Variants in CLCN7 observed in about 807,000 individuals in gnomAD.
The protein encoded by CLCN7 is Cl-/H+ antiporter 7.
In CLCN7, 60 loss-of-function variants were observed where a neutral mutation model predicts 102.1. The observed-to-expected ratio is 0.59, with a 90% CI of 0.48 to 0.73. The LOEUF is 0.73. Among genes scored for constraint, CLCN7 ranks in the 30% least tolerant of loss-of-function variants. The pLI is 0.00. For synonymous variants in CLCN7, 560 were observed against 490.5 expected (o/e 1.14, Z -1.87); for missense variants, 962 against 1,125.7 (o/e 0.85, Z 2.08).
rs775400716 is a variant in CLCN7 at position 1,457,332 on chromosome 16, C to T, written c.744G>A (p.Gly248=). The T allele has an allele frequency of 2.0e-5, 33 of 1,613,402 alleles. No homozygotes were observed. Among genetic ancestry groups the T allele is most frequent in the Non-Finnish European group, 2.8e-5 (33 of 1,179,794 alleles). ...TCACTGAACCTGAGTGGATCATCGG[C>T]CCTTCCTGGAGACCAGAAGGACCGG... ...VVGGLAVGKE[G]PMIHSGSVIA... Residue 248 remains glycine (G), a synonymous_variant, in exon 9 of 25, where the codon GGG becomes GGA. Transcript: ENST00000382745. This position sits in a 1 kb window ranked among gnomAD's most constrained non-coding sequence, Gnocchi z 5.4.
At position 1,446,618 on chromosome 16, in the gene CLCN7, G is replaced by GCAGGGCTGGGCCT; in HGVS notation, c.2418_*12dup. On this transcript the variant is annotated 3_prime_UTR_variant, in exon 25 of 25. Coordinates refer to ENST00000382745, the MANE Select transcript of CLCN7 (RefSeq NM_001287.6). ...GTGCCAGCGCCAGTGCCCATTATGG[G>GCAGGGCTGGGCCT]CAGGGCTGGGCCTCACGTCTGGGCC... The GCAGGGCTGGGCCT allele has an allele frequency of 6.4e-7, 1 of 1,555,982 alleles. No individual in the cohort carries two copies. The highest frequency in any genetic ancestry group is 1.7e-4 in the Middle Eastern group (1 of 5,994).
Position 1,465,304 on chromosome 16 carries a change from A to G in CLCN7, c.176T>C (p.Met59Thr), listed in dbSNP as rs1020575479. 6.8e-6 allele frequency: 11 copies of G among 1,613,830 alleles called. No individual in the cohort carries two copies. The Admixed American group carries it at 1.5e-4, about 22-fold the overall frequency. Residue 59 changes from methionine (M) to threonine (T), a missense_variant, in exon 2 of 25, where the codon ATG (methionine) becomes ACG (threonine). Met to Thr is a moderately conservative substitution (Grantham distance 81). Coordinates refer to ENST00000382745, the MANE Select transcript of CLCN7 (RefSeq NM_001287.6). ...PRSALFRVGH[M>T]SSVELDDELL... is the part of the protein sequence containing the mutation. ...TTCATCATCCAGCTCCACGCTGCTCATATGTCCGACTCGGAAAAGCGCAGA... is the reference window on the plus strand; with the variant it reads ...TTCATCATCCAGCTCCACGCTGCTCGTATGTCCGACTCGGAAAAGCGCAGA...
chr16:1,458,284 G>T (rs1047000491), intron 7 of CLCN7, among the ~76,000 whole-genome samples: 1 of 152,246 alleles, frequency 6.6e-6, no homozygotes, highest in African/African-American at 2.4e-5. Context: ...GAACCCACAA[G>T]GGCGCAGACC....
chr16:1,459,155 G>A lies in CLCN7; in HGVS notation c.627C>T (p.Ile209=), dbSNP rs767238945. 1 of 1,613,332 alleles carries A rather than the reference G, an allele frequency of 6.2e-7. No individual in the cohort carries two copies. Among genetic ancestry groups the A allele is most frequent in the South Asian group, 1.1e-5 (1 of 91,048 alleles). ...TCTTCACCCCGTTGAGGAAGCACTTGATCTGGGGGATTCCGCTGCCAGCAG... is the reference window on the plus strand; with the variant it reads ...TCTTCACCCCGTTGAGGAAGCACTTAATCTGGGGGATTCCGCTGCCAGCAG... The part of the protein sequence containing the change: ...PVAAGSGIPQ[I]KCFLNGVKIP... Residue 209 remains isoleucine, a synonymous_variant, in exon 7 of 25, where the codon ATC becomes ATT. Coordinates refer to ENST00000382745, the MANE Select transcript of CLCN7 (RefSeq NM_001287.6).
intron 15 of CLCN7, 24 bp downstream of exon 15, chr16:1,452,731 C>A: frequency 3.2e-6 from 5 of 1,571,100 alleles, no homozygotes; most frequent in South Asian, 1.2e-5. Context: ...GCCTGCTGGA[C>A]CCCGCCCGGG....
Position 1,446,291 on chromosome 16 carries a change from C to G in CLCN7, c.*340G>C. On this transcript the variant is annotated 3_prime_UTR_variant, in exon 25 of 25. Coordinates refer to ENST00000382745, the MANE Select transcript of CLCN7 (RefSeq NM_001287.6). ...TCTGTCTCACGCACACGGGCACAGGCACGCAGGTGCCGGCCCTGCCGCTGG... is the reference window on the plus strand; with the variant it reads ...TCTGTCTCACGCACACGGGCACAGGGACGCAGGTGCCGGCCCTGCCGCTGG... The G allele has an allele frequency of 1.4e-6, 1 of 698,242 alleles. No individual in the cohort carries two copies. The highest frequency in any genetic ancestry group is 2.6e-6 in the Non-Finnish European group (1 of 383,196). The allele number at this position is 698,242 out of a possible 1,614,324, so 43.3% of individuals were successfully genotyped here.
At chr16:1,454,355 G>C in intron 13 of CLCN7, 56 bp downstream of exon 13, 1 of 1,569,256 alleles carries the variant, frequency 6.4e-7, no homozygotes, top group Non-Finnish European at 8.8e-7. Context: ...CTATGGCCAC[G>C]TCACAGCTGA....
intron 14 of CLCN7, 43 bp from the exon 15 acceptor site, chr16:1,452,936 G>A (rs1331040177): frequency 1.4e-5 from 22 of 1,553,042 alleles, no homozygotes; most frequent in African/African-American, 2.7e-5. Flanking sequence ...GGACGGCAGC[G>A]CGGCCCCTCC....
intron 1 of CLCN7, among the ~76,000 whole-genome samples, chr16:1,469,039 G>T (rs1353304995): frequency 8.4e-6 from 1 of 118,624 alleles, no homozygotes; most frequent in Admixed American, 8.8e-5. Context: ...TAAAAAAAAC[G>T]AAAAAAAAAA....
chr16:1,457,840 CCG>C lies in CLCN7; in HGVS notation c.676-86_676-85del. ...GAGCCGTAAAACAGCACACACAGCCCCGATCAGGCAGAGTGGCTGGGACACGG... is the reference window on the plus strand; with the variant it reads ...GAGCCGTAAAACAGCACACACAGCCCATCAGGCAGAGTGGCTGGGACACGG... On this transcript the variant is annotated intron_variant, in intron 7 of 24. Transcript: ENST00000382745. This position sits in a 1 kb window ranked among gnomAD's most constrained non-coding sequence, Gnocchi z 5.4. The C allele has an allele frequency of 3.6e-6, 5 of 1,381,990 alleles. No homozygotes were observed. The South Asian group carries it at 4.6e-5, about 13-fold the overall frequency. 85.6% of individuals were successfully genotyped at this position (1,381,990 alleles called of 1,614,324 possible).
Position 1,448,340 on chromosome 16 carries a change from T to C in CLCN7, c.2013+15A>G, listed in dbSNP as rs752884752. ...GGTCACATAGGCAGGACCCTGTCTA[T>C]GGGGTGCCCGGTACCTGGGTGTCAT... is the stretch of plus-strand genomic sequence containing the variant. On this transcript the variant is annotated intron_variant, in intron 21 of 24. Transcript: ENST00000382745. 5 of 1,612,650 alleles carry C rather than the reference T, an allele frequency of 3.1e-6. No individual in the cohort carries two copies. The highest frequency in any genetic ancestry group is 2.2e-5 in the South Asian group (2 of 91,070).
chr16:1,455,391 C>A, intron 11 of CLCN7, 141 bp from the exon 12 acceptor site: 1 of 755,304 alleles, frequency 1.3e-6, no homozygotes. Flanking sequence ...AGGGAAGGGG[C>A]TGGAGCCAGG....
chr16:1,453,132 C>T (rs929827974), intron 14 of CLCN7, among the ~76,000 whole-genome samples: 4 of 152,144 alleles, frequency 2.6e-5, no homozygotes, highest in South Asian at 2.1e-4. Context: ...CTCAGCCTCC[C>T]GAGTAGCTGG....
chr16:1,457,597 A>G lies in CLCN7; in HGVS notation c.738+97T>C, dbSNP rs976606568. On this transcript the variant is annotated intron_variant, in intron 8 of 24. Coordinates refer to ENST00000382745, the MANE Select transcript of CLCN7 (RefSeq NM_001287.6). This position sits in a 1 kb window ranked among gnomAD's most constrained non-coding sequence, Gnocchi z 5.4. Reference sequence around the variant, plus strand: ...CGTGACGCGGCCCTTCCTGGAGACCAGAAGGACCGGTGCTCAGAGACACAC... The same window carrying G: ...CGTGACGCGGCCCTTCCTGGAGACCGGAAGGACCGGTGCTCAGAGACACAC... 2 of 1,259,388 alleles carry G rather than the reference A, an allele frequency of 1.6e-6. No individual in the cohort carries two copies. Among genetic ancestry groups the G allele is most frequent in the Non-Finnish European group, 1.1e-6 (1 of 871,752 alleles). 78.0% of individuals were successfully genotyped at this position (1,259,388 alleles called of 1,614,324 possible). A position where few individuals can be genotyped will look rare whatever the true frequency, so the allele number is the denominator to read the frequency against.
At chr16:1,473,114 CACAT>C (rs1335433693) in intron 1 of CLCN7, among the ~76,000 whole-genome samples, 1 of 151,952 alleles carries the variant, frequency 6.6e-6, no homozygotes, top group Non-Finnish European at 1.5e-5. Context: ...CAGAGGCATA[CACAT>C]ACACACACAG....
rs886051688 is a variant in CLCN7 at position 1,445,140 on chromosome 16, G to A, written c.*1491C>T. On this transcript the variant is annotated 3_prime_UTR_variant, in exon 25 of 25. Transcript: ENST00000382745. ...CTGGAGCGCCTCTGCCTTGCCCCCA[G>A]ACCCACCAGCCAGGAGCCAGAGGAG... 2.6e-5 allele frequency: 4 copies of A among 152,028 alleles called. No individual in the cohort carries two copies. The highest frequency in any genetic ancestry group is 5.9e-5 in the Non-Finnish European group (4 of 67,974). The allele number at this position is 152,028 out of a possible 1,614,324, so 9.4% of individuals were successfully genotyped here. A position where few individuals can be genotyped will look rare whatever the true frequency, so the allele number is the denominator to read the frequency against.
chr16:1,447,845 C>G (rs2038678586), intron 21 of CLCN7, 131 bp from the exon 22 acceptor site: 2 of 996,488 alleles, frequency 2.0e-6, no homozygotes, highest in Non-Finnish European at 3.0e-6. Context: ...GTGTCGGTGG[C>G]TACCTGCTCA....
intron 1 of CLCN7, among the ~76,000 whole-genome samples, chr16:1,470,313 T>C (rs80101562): frequency 0.082 from 12,506 of 152,200 alleles, 692 homozygotes; most frequent in African/African-American, 0.15. Context: ...GGTAAATTTA[T>C]GGTATGTGTT....
Position 1,457,874 on chromosome 16 carries a change from C to T in CLCN7, c.676-118G>A, listed in dbSNP as rs995363622. The T allele has an allele frequency of 9.5e-5, 95 of 995,614 alleles. No homozygotes were observed. Among genetic ancestry groups the T allele is most frequent in the Middle Eastern group, 2.0e-4 (1 of 4,902 alleles). 61.7% of individuals were successfully genotyped at this position (995,614 alleles called of 1,614,324 possible). A position where few individuals can be genotyped will look rare whatever the true frequency, so the allele number is the denominator to read the frequency against. ...CAGAGTGGCTGGGACACGGGGCCTC[C>T]GGGAGGGGGCCAGCACCCCCAGGCT... On this transcript the variant is annotated intron_variant, in intron 7 of 24. Transcript: ENST00000382745. The surrounding 1 kb of genome is among the most constrained non-coding windows in gnomAD (Gnocchi z 5.4).
Sources: allele counts gnomAD v4.1 joint callset (sites outside exome capture counted in the v4.1 genomes callset), GRCh38; gene constraint gnomAD v4.1.1; non-coding constraint Gnocchi (gnomAD v3.1); transcripts MANE v1.5; gene names NCBI Gene and HGNC (gene_info 2026-07-23, HGNC 2026-07-21).